The following SULF2 variants were observed in gnomAD, a reference collection of about 807,000 sequenced individuals.
The protein encoded by SULF2 is extracellular sulfatase Sulf-2.
SULF2 carries 52 observed loss-of-function variants against 107.7 expected under a neutral mutation model. That is an observed-to-expected ratio of 0.48 (90% CI 0.39 to 0.61). The LOEUF is 0.61. Among genes scored for constraint, SULF2 ranks in the 20% least tolerant of loss-of-function variants. The pLI, the probability that SULF2 is intolerant of heterozygous loss-of-function variation, is 0.00. For synonymous variants in SULF2, 460 were observed against 464.3 expected, an observed-to-expected ratio of 0.99 and a Z score of 0.12; for missense variants, 993 against 1,177.3, an observed-to-expected ratio of 0.84 and a Z score of 2.29.
chr20:47,664,290 C>T, intron 14 of SULF2, 101 bp from the exon 15 acceptor site: 1 of 1,185,572 alleles, frequency 8.4e-7, no homozygotes, highest in Non-Finnish European at 1.2e-6. Context: ...GTTGCTGCTG[C>T]CCCACCCCTG....
At chr20:47,758,273 G>A (rs1260429775) in intron 1 of SULF2, among the ~76,000 whole-genome samples, 1 of 149,102 alleles carries the variant, frequency 6.7e-6, no homozygotes, top group Non-Finnish European at 1.5e-5. Flanking sequence ...GTGTTCAAGC[G>A]ATTCTCCTGC....
intron 13 of SULF2, 85 bp from the exon 14 acceptor site, chr20:47,665,378 G>T: frequency 9.8e-6 from 9 of 914,332 alleles, no homozygotes; most frequent in Non-Finnish European, 1.6e-5. Flanking sequence ...CCACGCTGCC[G>T]TGTCTGTGCT....
intron 15 of SULF2, 134 bp downstream of exon 15, chr20:47,663,996 T>C (rs1029918167): frequency 6.2e-6 from 6 of 961,808 alleles, no homozygotes; most frequent in Non-Finnish European, 9.2e-6. Flanking sequence ...GTAAGGCCTC[T>C]TCGAGGGCTA....
intron 4 of SULF2, among the ~76,000 whole-genome samples, chr20:47,691,151 T>C (rs914350989): frequency 6.6e-6 from 1 of 152,208 alleles, no homozygotes; most frequent in Non-Finnish European, 1.5e-5. Context: ...GACACTGTCA[T>C]GCAGGGTGGG....
At chr20:47,745,334 C>T (rs1254006523) in intron 2 of SULF2, among the ~76,000 whole-genome samples, 4 of 136,460 alleles carry the variant, frequency 2.9e-5, no homozygotes, top group Non-Finnish European at 4.6e-5. Context: ...ATCTGCAAAG[C>T]GGGAGAATAA....
rs759499356 is a variant in SULF2 at position 47,666,269 on chromosome 20, A to G, written c.1796T>C (p.Val599Ala). Reference protein sequence around the residue: ...PDYSAANPIKVTHRCYILEND... With the variant: ...PDYSAANPIKATHRCYILEND... ...CCACCTGGACACTCACCGATGTGTC[A>G]CTTTAATGGGGTTGGCGGCTGAGTA... The change falls in exon 12 of 21, where the codon GTG (valine) becomes GCG (alanine). Residue 599 changes from valine to alanine, a missense_variant. Val to Ala is a moderately conservative substitution (Grantham distance 64). Transcript: ENST00000688720. This position sits in a 1 kb window ranked among gnomAD's most constrained non-coding sequence, Gnocchi z 5.4. 6.2e-7 allele frequency: 1 copy of G among 1,613,546 alleles called. No homozygotes were observed. The highest frequency in any genetic ancestry group is 8.5e-7 in the Non-Finnish European group (1 of 1,179,864).
intron 14 of SULF2, among the ~76,000 whole-genome samples, chr20:47,664,585 A>C (rs1032386355): frequency 1.3e-5 from 2 of 152,022 alleles, no homozygotes; most frequent in African/African-American, 4.8e-5. Flanking sequence ...GCCTACTCAC[A>C]CTTGGTCGGG....
intron 3 of SULF2, among the ~76,000 whole-genome samples, chr20:47,720,003 G>C (rs1377792028): frequency 1.3e-5 from 2 of 152,144 alleles, no homozygotes; most frequent in African/African-American, 4.8e-5. Flanking sequence ...TGTTGCCCAG[G>C]ATGGAGTGCC....
rs116798264 is a variant in SULF2 at position 47,758,141 on chromosome 20, T to C, written c.-100-678A>G. On this transcript the variant is annotated intron_variant, in intron 1 of 20. Transcript: ENST00000688720. ...GAAAGCCCCTTGTTAAGGGATCTTGTAGTTGGGCAAAAAAGTATTCCTTTT... is the reference window on the plus strand; with the variant it reads ...GAAAGCCCCTTGTTAAGGGATCTTGCAGTTGGGCAAAAAAGTATTCCTTTT... Among the ~76,000 whole-genome samples the C allele has an allele frequency of 3.7e-3, 564 of 150,692 alleles. 3 individuals carry two copies. The highest frequency in any genetic ancestry group is 0.012 in the African/African-American group (507 of 41,036).
At chr20:47,742,811 T>C (rs1415592628) in intron 2 of SULF2, among the ~76,000 whole-genome samples, 1 of 152,130 alleles carries the variant, frequency 6.6e-6, no homozygotes, top group Non-Finnish European at 1.5e-5. Flanking sequence ...GATGACGACG[T>C]TGCCAGTGTC....
In SULF2 at chr20:47,712,984, T is replaced by C. The variant is rs920563488; in HGVS notation, c.416-10314A>G. Among the ~76,000 whole-genome samples the C allele has an allele frequency of 5.9e-5, 9 of 151,802 alleles. No homozygotes were observed. In the East Asian group the frequency reaches 1.2e-3, roughly 20 times the overall value. On this transcript the variant is annotated intron_variant, in intron 3 of 20. Coordinates refer to ENST00000688720, the MANE Select transcript of SULF2 (RefSeq NM_001387048.1). ...CAGGAAGTGGAGGCGGAGGCTGCAG[T>C]GGACCAAGATCCTGCCACTGCACTC...
At chr20:47,714,481 C>A (rs6018656) in intron 3 of SULF2, among the ~76,000 whole-genome samples, 2 of 151,934 alleles carry the variant, frequency 1.3e-5, no homozygotes, top group Non-Finnish European at 2.9e-5. Context: ...TCCCATCATC[C>A]GCCTGTCACC....
At chr20:47,671,525 C>T (rs778603873) in intron 11 of SULF2, among the ~76,000 whole-genome samples, 2 of 151,904 alleles carry the variant, frequency 1.3e-5, no homozygotes, top group South Asian at 2.1e-4. Flanking sequence ...CTGTCCACCT[C>T]GGCCTCTCAA....
chr20:47,679,140 A>C (rs2087745372), intron 7 of SULF2, among the ~76,000 whole-genome samples: 1 of 151,440 alleles, frequency 6.6e-6, no homozygotes, highest in Admixed American at 6.6e-5. Context: ...GCCCTTCCTG[A>C]ACCCTTCCCC....
In SULF2 at chr20:47,690,865, ACT is replaced by A. The variant is rs968349957; in HGVS notation, c.568-572_568-571del. Among the ~76,000 whole-genome samples, 6 of 89,416 alleles carry A rather than the reference ACT, an allele frequency of 6.7e-5. No individual in the cohort carries two copies. The East Asian group carries it at 2.4e-3, about 36-fold the overall frequency. 58.7% of individuals were successfully genotyped at this position (89,416 alleles called of 152,430 possible). A position where few individuals can be genotyped will look rare whatever the true frequency, so the allele number is the denominator to read the frequency against. On this transcript the variant is annotated intron_variant, in intron 4 of 20. Coordinates refer to ENST00000688720, the MANE Select transcript of SULF2 (RefSeq NM_001387048.1). The stretch of plus-strand genomic sequence containing the variant: ...GCCTGGGTGACAAAGCAAGACTCTG[ACT>A]CAAAAAAAAAAAAAAAGATATTAAA...
Position 47,733,625 on chromosome 20 carries a change from TAGTC to T in SULF2, c.415+3074_415+3077del, listed in dbSNP as rs1205824766. Among the ~76,000 whole-genome samples, 26 of 152,096 alleles carry T rather than the reference TAGTC, an allele frequency of 1.7e-4. No individual in the cohort carries two copies. In the East Asian group the frequency reaches 2.7e-3, roughly 16 times the overall value. ...CCATCTCTACAAAAAATACAAAAAT[TAGTC>T]AGGCGTAGTGGCAGGCGTCTGTAAT... On this transcript the variant is annotated intron_variant, in intron 3 of 20. Transcript: ENST00000688720.
intron 1 of SULF2, among the ~76,000 whole-genome samples, chr20:47,757,875 G>C (rs1307282363): frequency 6.6e-6 from 1 of 152,130 alleles, no homozygotes; most frequent in Non-Finnish European, 1.5e-5. Context: ...CCGCACCGTG[G>C]GGTACAGAGG....
intron 4 of SULF2, among the ~76,000 whole-genome samples, chr20:47,693,770 C>A (rs547979199): frequency 6.6e-6 from 1 of 152,182 alleles, no homozygotes; most frequent in East Asian, 1.9e-4. Flanking sequence ...GGGCTCAGGC[C>A]GGGGCAGGAA....
chr20:47,673,227 T>C (rs1304280519), intron 10 of SULF2, among the ~76,000 whole-genome samples: 18 of 152,228 alleles, frequency 1.2e-4, no homozygotes. Flanking sequence ...AGTGACTCTT[T>C]AGGGCCTATT....
Sources: allele counts gnomAD v4.1 joint callset (sites outside exome capture counted in the v4.1 genomes callset), GRCh38; gene constraint gnomAD v4.1.1; non-coding constraint Gnocchi (gnomAD v3.1); transcripts MANE v1.5; gene names NCBI Gene and HGNC (gene_info 2026-07-23, HGNC 2026-07-21).